ANKRD33B: variants seen among roughly 807,000 people sequenced by gnomAD.
The protein encoded by ANKRD33B is ankyrin repeat domain 33B.
A neutral mutation model predicts 21.5 loss-of-function variants in ANKRD33B; 6 were observed. That is an observed-to-expected ratio of 0.28 (90% CI 0.15 to 0.55). ANKRD33B has a LOEUF of 0.55. Among genes scored for constraint, ANKRD33B ranks in the 20% least tolerant of loss-of-function variants. ANKRD33B has a pLI of 0.94. For missense variants in ANKRD33B, 698 were observed against 747.2 expected (o/e 0.93, Z 0.77); for synonymous variants, 347 against 342.4 (o/e 1.01, Z -0.15).
intron 1 of ANKRD33B, among the ~76,000 whole-genome samples, chr5:10,607,297 G>A (rs1736065580): frequency 6.6e-6 from 1 of 152,218 alleles, no homozygotes; most frequent in Non-Finnish European, 1.5e-5. Flanking sequence ...GCAGGGCTCT[G>A]CTCTCTCTGC....
intron 2 of ANKRD33B, among the ~76,000 whole-genome samples, chr5:10,633,759 G>T (rs1203249513): frequency 1.3e-5 from 2 of 152,176 alleles, no homozygotes; most frequent in African/African-American, 4.8e-5. Flanking sequence ...CAGGTACATT[G>T]CAGAATGTTC....
intron 1 of ANKRD33B, among the ~76,000 whole-genome samples, chr5:10,591,001 GT>G (rs1735673031): frequency 6.6e-6 from 1 of 152,104 alleles, no homozygotes; most frequent in African/African-American, 2.4e-5. Flanking sequence ...ATTGAAGCCA[GT>G]TTCTCAGAGC....
At chr5:10,568,738 A>T (rs1276952688) in intron 1 of ANKRD33B, among the ~76,000 whole-genome samples, 1 of 152,148 alleles carries the variant, frequency 6.6e-6, no homozygotes, top group Non-Finnish European at 1.5e-5. Flanking sequence ...TTTCATCATG[A>T]TGGCCAGGCT....
intron 1 of ANKRD33B, among the ~76,000 whole-genome samples, chr5:10,598,562 T>C (rs962643674): frequency 6.6e-6 from 1 of 152,206 alleles, no homozygotes; most frequent in African/African-American, 2.4e-5. Flanking sequence ...TCACTGTGTC[T>C]GGCCATGATT....
Position 10,652,525 on chromosome 5 carries a change from A to T in ANKRD33B, c.*2412A>T, listed in dbSNP as rs562144768. ...ATTCCTGCCTGTTTCCACCATGGGA[A>T]GCTGTCACTGGGAATGGTATGGAGC... On this transcript the variant is annotated 3_prime_UTR_variant, in exon 4 of 4. Coordinates refer to ENST00000296657, the MANE Select transcript of ANKRD33B (RefSeq NM_001164440.2). The surrounding 1 kb of genome is among the most constrained non-coding windows in gnomAD (Gnocchi z 4.1). 1 of 152,854 alleles carries T rather than the reference A, an allele frequency of 6.5e-6. No homozygotes were observed. Among genetic ancestry groups the T allele is most frequent in the African/African-American group, 2.4e-5 (1 of 41,586 alleles). The allele number at this position is 152,854 out of a possible 1,614,324, so 9.5% of individuals were successfully genotyped here. A position where few individuals can be genotyped will look rare whatever the true frequency, so the allele number is the denominator to read the frequency against.
At chr5:10,574,356 C>CA (rs1057491747) in intron 1 of ANKRD33B, among the ~76,000 whole-genome samples, 1 of 151,016 alleles carries the variant, frequency 6.6e-6, no homozygotes, top group African/African-American at 2.4e-5. Context: ...CAAGAAAATT[C>CA]AAAAAAATGG....
chr5:10,625,508 G>T (rs1271169071), intron 2 of ANKRD33B, among the ~76,000 whole-genome samples: 1 of 152,178 alleles, frequency 6.6e-6, no homozygotes, highest in Non-Finnish European at 1.5e-5. Context: ...AGCTCCTGCT[G>T]TGTCGGTGTC....
intron 1 of ANKRD33B, among the ~76,000 whole-genome samples, chr5:10,573,942 C>A (rs933652409): frequency 4.6e-5 from 7 of 152,182 alleles, no homozygotes; most frequent in Admixed American, 2.0e-4. Flanking sequence ...ACTCTGACAT[C>A]ATCAGATCTA....
chr5:10,565,214 G>A (rs1735020889), intron 1 of ANKRD33B, among the ~76,000 whole-genome samples: 1 of 152,152 alleles, frequency 6.6e-6, no homozygotes, highest in African/African-American at 2.4e-5. Flanking sequence ...CCTTTCCCCA[G>A]GTCCCTGGCA....
chr5:10,649,627 G>C lies in ANKRD33B; in HGVS notation c.999G>C (p.Pro333=). ...VCQTVCPESP[P]SVGKRRLAVQ... The stretch of plus-strand genomic sequence containing the variant: ...AGACCGTGTGCCCTGAGAGCCCTCC[G>C]AGCGTGGGGAAGAGGCGGCTGGCGG... The change falls in exon 4 of 4, where the codon CCG becomes CCC. Residue 333 remains proline, a synonymous_variant. Coordinates refer to ENST00000296657, the MANE Select transcript of ANKRD33B (RefSeq NM_001164440.2). 1 of 1,531,336 alleles carries C rather than the reference G, an allele frequency of 6.5e-7. No individual in the cohort carries two copies. The highest frequency in any genetic ancestry group is 8.7e-7 in the Non-Finnish European group (1 of 1,144,966). 94.9% of individuals were successfully genotyped at this position (1,531,336 alleles called of 1,614,324 possible). A position where few individuals can be genotyped will look rare whatever the true frequency, so the allele number is the denominator to read the frequency against.
intron 2 of ANKRD33B, among the ~76,000 whole-genome samples, chr5:10,628,552 C>G (rs1228614064): frequency 3.3e-5 from 5 of 152,152 alleles, no homozygotes; most frequent in Non-Finnish European, 7.3e-5. Context: ...AACTCCTAAG[C>G]TCAAGTGATC....
chr5:10,621,520 C>T (rs754360737), intron 2 of ANKRD33B, among the ~76,000 whole-genome samples: 11 of 152,134 alleles, frequency 7.2e-5, no homozygotes, highest in South Asian at 4.1e-4. Context: ...TCCTGTCCTA[C>T]GACAAATGTG....
rs1459779918 is a variant in ANKRD33B at position 10,654,025 on chromosome 5, CCTTT to C, written c.*3913_*3916del. 6.6e-6 allele frequency: 1 copy of C among 152,602 alleles called. No homozygotes were observed. Among genetic ancestry groups the C allele is most frequent in the African/African-American group, 2.4e-5 (1 of 41,448 alleles). The allele number at this position is 152,602 out of a possible 1,614,324, so 9.5% of individuals were successfully genotyped here. A position where few individuals can be genotyped will look rare whatever the true frequency, so the allele number is the denominator to read the frequency against. On this transcript the variant is annotated 3_prime_UTR_variant, in exon 4 of 4. Coordinates refer to ENST00000296657, the MANE Select transcript of ANKRD33B (RefSeq NM_001164440.2). ...TCTTCTAACTCATTAGCCTTTCCTTCCTTTGTCTGTTTTCTTCTCCCAGCTGGTT... is the reference window on the plus strand; with the variant it reads ...TCTTCTAACTCATTAGCCTTTCCTTCGTCTGTTTTCTTCTCCCAGCTGGTT...
intron 1 of ANKRD33B, among the ~76,000 whole-genome samples, chr5:10,596,057 A>G (rs1449140279): frequency 6.6e-6 from 1 of 152,226 alleles, no homozygotes; most frequent in Non-Finnish European, 1.5e-5. Context: ...AGCCGAACAG[A>G]TTGTTCCAGG....
chr5:10,617,090 A>G (rs1736300194), intron 1 of ANKRD33B, among the ~76,000 whole-genome samples: 1 of 152,214 alleles, frequency 6.6e-6, no homozygotes, highest in Non-Finnish European at 1.5e-5. Context: ...AATCCCATTC[A>G]TGAGGACTCC....
chr5:10,605,514 T>C (rs1454566984), intron 1 of ANKRD33B, among the ~76,000 whole-genome samples: 1 of 150,484 alleles, frequency 6.6e-6, no homozygotes. Flanking sequence ...ATTGAGTTTC[T>C]TTCTTTCCTT....
intron 2 of ANKRD33B, among the ~76,000 whole-genome samples, chr5:10,621,781 A>G (rs1736427764): frequency 1.3e-5 from 2 of 152,220 alleles, no homozygotes; most frequent in Admixed American, 6.5e-5. Flanking sequence ...CTATAAGGTG[A>G]TGTTATGGAC....
intron 1 of ANKRD33B, among the ~76,000 whole-genome samples, chr5:10,596,461 C>G (rs1219798698): frequency 6.6e-6 from 1 of 152,164 alleles, no homozygotes; most frequent in African/African-American, 2.4e-5. Flanking sequence ...AGGATAATGC[C>G]TTCCAGCACC....
At chr5:10,614,195 G>A (rs1736234655) in intron 1 of ANKRD33B, among the ~76,000 whole-genome samples, 1 of 152,186 alleles carries the variant, frequency 6.6e-6, no homozygotes, top group Non-Finnish European at 1.5e-5. Flanking sequence ...AGGGTGTGGG[G>A]AGGCCAGCCT....
Sources: gnomAD v4.1 joint callset for allele counts (sites outside exome capture counted in the v4.1 genomes callset) on GRCh38, gnomAD v4.1.1 for gene constraint, Gnocchi (gnomAD v3.1) non-coding constraint, MANE v1.5 for transcripts, NCBI Gene and HGNC (gene_info 2026-07-23, HGNC 2026-07-21) for gene names.